Variants in ZNF536 observed in about 807,000 individuals in gnomAD.
ZNF536 encodes the protein zinc finger protein 536.
ZNF536 carries 13 observed loss-of-function variants against 84.5 expected under a neutral mutation model. The observed-to-expected ratio is 0.15, with a 90% confidence interval of 0.10 to 0.24. ZNF536 has a LOEUF of 0.24. Among genes scored for constraint, ZNF536 ranks in the 10% least tolerant of loss-of-function variants. The pLI, the probability that ZNF536 is intolerant of heterozygous loss-of-function variation, is 1.00. For synonymous variants in ZNF536, 811 were observed against 742.5 expected (o/e 1.09, Z -1.50); for missense variants, 1,536 against 1,747.5 (o/e 0.88, Z 2.16).
intron 2 of ZNF536, among the ~76,000 whole-genome samples, chr19:30,455,401 T>G (rs1000815141): frequency 2.6e-5 from 4 of 152,158 alleles, no homozygotes; most frequent in African/African-American, 9.7e-5. Flanking sequence ...GGGACCTTCA[T>G]CACCTTAAAT....
intron 2 of ZNF536, among the ~76,000 whole-genome samples, chr19:30,487,200 C>G (rs2054334207): frequency 6.6e-6 from 1 of 152,098 alleles, no homozygotes; most frequent in South Asian, 2.1e-4. Context: ...GAAATTTATC[C>G]AAAGTATGAA....
At chr19:30,390,155 G>A (rs927211309) in intron 1 of ZNF536, among the ~76,000 whole-genome samples, 2 of 152,116 alleles carry the variant, frequency 1.3e-5, no homozygotes, top group Non-Finnish European at 2.9e-5. Context: ...CTTCCTAGGG[G>A]TTAGCTGCAG....
At chr19:30,344,085 T>A (rs985954540) in intron 2 of ZNF536, among the ~76,000 whole-genome samples, 6 of 151,732 alleles carry the variant, frequency 4.0e-5, no homozygotes, top group African/African-American at 1.5e-4. Context: ...CATGGGGTGC[T>A]GGGTTTCAGG....
chr19:30,452,634 T>A (rs941593498), intron 2 of ZNF536, among the ~76,000 whole-genome samples: 1 of 152,172 alleles, frequency 6.6e-6, no homozygotes. Flanking sequence ...CTTTTGAGCC[T>A]GGGAAGTCAG....
chr19:30,620,128 C>G (rs2048431022), intron 1 of ZNF536, among the ~76,000 whole-genome samples: 1 of 151,284 alleles, frequency 6.6e-6, no homozygotes, highest in Non-Finnish European at 1.5e-5. Flanking sequence ...CTGGCTGACA[C>G]TCAGCCAGAC....
At chr19:30,248,975 C>A (rs1032751737) in intron 1 of ZNF536, among the ~76,000 whole-genome samples, 1 of 152,176 alleles carries the variant, frequency 6.6e-6, no homozygotes. Flanking sequence ...GGGGTTTAAC[C>A]TCTCCCAGAT....
At chr19:30,457,245 C>A (rs761385683) in intron 2 of ZNF536, among the ~76,000 whole-genome samples, 1 of 152,120 alleles carries the variant, frequency 6.6e-6, no homozygotes, top group African/African-American at 2.4e-5. Flanking sequence ...ATTAGCTCAG[C>A]GACTTCTTTG....
intron 1 of ZNF536, among the ~76,000 whole-genome samples, chr19:30,241,659 T>A (rs2023952931): frequency 6.6e-6 from 1 of 152,148 alleles, no homozygotes; most frequent in Non-Finnish European, 1.5e-5. Context: ...GGAGCGGGCT[T>A]CCTATCTCCT....
intron 3 of ZNF536, among the ~76,000 whole-genome samples, chr19:30,366,075 C>T (rs755216844): frequency 2.0e-5 from 3 of 152,122 alleles, no homozygotes; most frequent in African/African-American, 4.8e-5. Context: ...CCCCGCCGAA[C>T]CCCTGAGGAA....
intron 2 of ZNF536, among the ~76,000 whole-genome samples, chr19:30,513,068 A>G (rs886292582): frequency 5.3e-5 from 8 of 152,030 alleles, no homozygotes; most frequent in African/African-American, 1.9e-4. Flanking sequence ...CTTTATATGT[A>G]CACACACTTA....
intron 1 of ZNF536, among the ~76,000 whole-genome samples, chr19:30,423,844 TG>T (rs1568414752): frequency 2.0e-5 from 1 of 50,450 alleles, no homozygotes; most frequent in African/African-American, 7.8e-5. Context: ...GTCAGGGAGG[TG>T]GGGGCAGGTG....
At chr19:30,362,688 G>A (rs1321671120) in intron 3 of ZNF536, among the ~76,000 whole-genome samples, 1 of 152,168 alleles carries the variant, frequency 6.6e-6, no homozygotes, top group African/African-American at 2.4e-5. Flanking sequence ...TTAGCCTCCA[G>A]CAAGGCCAAA....
chr19:30,311,000 T>C (rs778971409), intron 2 of ZNF536, among the ~76,000 whole-genome samples: 7 of 152,168 alleles, frequency 4.6e-5, no homozygotes, highest in Non-Finnish European at 7.4e-5. Flanking sequence ...AGGAGATCCA[T>C]CGTTCCCTGA....
chr19:30,382,228 G>T (rs1276499977), intron 1 of ZNF536, among the ~76,000 whole-genome samples: 2 of 152,174 alleles, frequency 1.3e-5, no homozygotes, highest in Non-Finnish European at 2.9e-5. Context: ...AAAGTTGTCC[G>T]ATTTGAATTA....
chr19:30,603,303 A>T (rs546210426), intron 1 of ZNF536, among the ~76,000 whole-genome samples: 2 of 152,290 alleles, frequency 1.3e-5, no homozygotes, highest in Non-Finnish European at 2.9e-5. Context: ...GAATGGATGG[A>T]TGGATGGATG....
intron 2 of ZNF536, among the ~76,000 whole-genome samples, chr19:30,486,877 C>T (rs1005578888): frequency 6.6e-6 from 1 of 152,194 alleles, no homozygotes; most frequent in Non-Finnish European, 1.5e-5. Flanking sequence ...AGATAAAGGG[C>T]AAATGCTGAT....
chr19:30,699,660 G>T (rs1266747098), intron 1 of ZNF536, among the ~76,000 whole-genome samples: 1 of 152,188 alleles, frequency 6.6e-6, no homozygotes. Flanking sequence ...TGTGGGCCTA[G>T]TGATTCTTTA....
intron 1 of ZNF536, among the ~76,000 whole-genome samples, chr19:30,648,145 A>G (rs1410339138): frequency 6.6e-6 from 1 of 152,054 alleles, no homozygotes; most frequent in Non-Finnish European, 1.5e-5. Flanking sequence ...ACACAGACTA[A>G]AAAGGGCTGC....
chr19:30,644,133 A>T (rs1246288691), intron 1 of ZNF536, among the ~76,000 whole-genome samples: 1 of 152,198 alleles, frequency 6.6e-6, no homozygotes, highest in Non-Finnish European at 1.5e-5. Context: ...GTGCTTGTCC[A>T]CTTCAGTTGT....
Sources: gnomAD v4.1 joint callset for allele counts (sites outside exome capture counted in the v4.1 genomes callset) on GRCh38, gnomAD v4.1.1 for gene constraint, MANE v1.5 for transcripts, NCBI Gene and HGNC (gene_info 2026-07-23, HGNC 2026-07-21) for gene names.